IRF2BP2: variants seen among roughly 807,000 people sequenced by gnomAD.
IRF2BP2 encodes interferon regulatory factor 2-binding protein 2.
IRF2BP2 carries 13 observed loss-of-function variants against 32.7 expected under a neutral mutation model. The ratio of observed to expected loss-of-function variants is 0.40; its 90% confidence interval spans 0.26 to 0.63. IRF2BP2 has a LOEUF of 0.63. Among genes scored for constraint, IRF2BP2 ranks in the 30% least tolerant of loss-of-function variants. The pLI is 0.42. For missense variants in IRF2BP2, 980 were observed against 830.6 expected (o/e 1.18, Z -2.21); for synonymous variants, 555 against 384.6 (o/e 1.44, Z -5.18).
rs374605406 is a variant in IRF2BP2 at position 234,609,390 on chromosome 1, G to C, written c.105C>G (p.Pro35=). The C allele has an allele frequency of 6.4e-7, 1 of 1,563,074 alleles. No homozygotes were observed. Among genetic ancestry groups the C allele is most frequent in the Admixed American group, 1.8e-5 (1 of 54,826 alleles). The change falls in exon 1 of 2, where the codon CCC becomes CCG. Residue 35 remains proline, a synonymous_variant. Transcript: ENST00000366609. ...PWAMIWDFTE[P]VCRGCVNYEG... ...CGTAGTTGACGCAGCCGCGGCAGAC[G>C]GGTTCGGTGAAGTCCCAGATCATGG...
In IRF2BP2 at chr1:234,605,677, G is replaced by C. The variant is rs911749888; in HGVS notation, c.*1460C>G. On this transcript the variant is annotated 3_prime_UTR_variant, in exon 2 of 2. Coordinates refer to ENST00000366609, the MANE Select transcript of IRF2BP2 (RefSeq NM_182972.3). ...TTATAAGGCCAAGTTACAAACACCT[G>C]AACGTAAGGATTTAAAATAGTGTTC... is the stretch of plus-strand genomic sequence containing the variant. 6.6e-6 allele frequency: 1 copy of C among 152,172 alleles called. No individual in the cohort carries two copies. The highest frequency in any genetic ancestry group is 1.5e-5 in the Non-Finnish European group (1 of 68,026). The allele number at this position is 152,172 out of a possible 1,614,324, so 9.4% of individuals were successfully genotyped here.
chr1:234,609,348 G>T lies in IRF2BP2; in HGVS notation c.147C>A (p.Val49=). 6.5e-7 allele frequency: 1 copy of T among 1,538,602 alleles called. No individual in the cohort carries two copies. The change falls in exon 1 of 2, where the codon GTC becomes GTA. Residue 49 remains valine (V), a synonymous_variant. Transcript: ENST00000366609. ...GCCGCGCCGTCTCGATGACGAACTC[G>T]ACGCGGTCGGCGCCCTCGTAGTTGA... is the stretch of plus-strand genomic sequence containing the variant. ...GCVNYEGADR[V]EFVIETARQL...
At position 234,604,815 on chromosome 1, in the gene IRF2BP2, T is replaced by A. The variant is rs77935702; in HGVS notation, c.*2322A>T. On this transcript the variant is annotated 3_prime_UTR_variant, in exon 2 of 2. Transcript: ENST00000366609. ...AAAGATCAAACCCATGTCCCGATGT[T>A]AACTTTTTAACTTAAAAGAATGCCA... 3.9e-5 allele frequency: 6 copies of A among 152,206 alleles called. No individual in the cohort carries two copies. The highest frequency in any genetic ancestry group is 8.8e-5 in the Non-Finnish European group (6 of 68,022). 9.4% of individuals were successfully genotyped at this position (152,206 alleles called of 1,614,324 possible).
rs1672156981 is a variant in IRF2BP2 at position 234,606,254 on chromosome 1, A to G, written c.*883T>C. The stretch of plus-strand genomic sequence containing the variant: ...AAAATAAAGGACAACAGCAACAACA[A>G]ACAGACCTCTAGGGTGTTTAAAAAG... On this transcript the variant is annotated 3_prime_UTR_variant, in exon 2 of 2. Transcript: ENST00000366609. 2 of 152,350 alleles carry G rather than the reference A, an allele frequency of 1.3e-5. No individual in the cohort carries two copies. The highest frequency in any genetic ancestry group is 2.1e-4 in the South Asian group (1 of 4,830). 9.4% of individuals were successfully genotyped at this position (152,350 alleles called of 1,614,324 possible).
At position 234,605,086 on chromosome 1, in the gene IRF2BP2, G is replaced by T. The variant is rs1366792096; in HGVS notation, c.*2051C>A. Reference sequence around the variant, plus strand: ...ATTAATCTTTTTGGAAAGCATGTCTGTATTAAGATTGCAAAACATACAGAT... The same window carrying T: ...ATTAATCTTTTTGGAAAGCATGTCTTTATTAAGATTGCAAAACATACAGAT... On this transcript the variant is annotated 3_prime_UTR_variant, in exon 2 of 2. Coordinates refer to ENST00000366609, the MANE Select transcript of IRF2BP2 (RefSeq NM_182972.3). The T allele has an allele frequency of 6.6e-6, 1 of 152,218 alleles. No individual in the cohort carries two copies. The highest frequency in any genetic ancestry group is 1.9e-4 in the East Asian group (1 of 5,200). 9.4% of individuals were successfully genotyped at this position (152,218 alleles called of 1,614,324 possible).
chr1:234,607,566 G>A lies in IRF2BP2; in HGVS notation c.1335C>T (p.Asn445=). Residue 445 remains asparagine (N), a synonymous_variant, in exon 2 of 2, where the codon AAC becomes AAT. Coordinates refer to ENST00000366609, the MANE Select transcript of IRF2BP2 (RefSeq NM_182972.3). ...TCCTCCTGGTAGTGGAGTGAACCTG[G>A]TTGGCATCTTTTGAGGCATGACTGC... is the stretch of plus-strand genomic sequence containing the variant. ...AGGSHASKDA[N]QVHSTTRRNS... 1 of 1,614,214 alleles carries A rather than the reference G, an allele frequency of 6.2e-7. No individual in the cohort carries two copies. The highest frequency in any genetic ancestry group is 1.7e-5 in the Admixed American group (1 of 60,022).
In IRF2BP2 at chr1:234,610,175, C is replaced by G. The variant is rs1223256336; in HGVS notation, c.-681G>C. On this transcript the variant is annotated 5_prime_UTR_variant, in exon 1 of 2. Coordinates refer to ENST00000366609, the MANE Select transcript of IRF2BP2 (RefSeq NM_182972.3). ...TGCTGCCGCCGCGACCGCTCCACTT[C>G]TACAGACTTGATTCTTCGACAGTCT... Among the ~76,000 whole-genome samples the G allele has an allele frequency of 6.7e-6, 1 of 148,662 alleles. No homozygotes were observed. Among genetic ancestry groups the G allele is most frequent in the Non-Finnish European group, 1.5e-5 (1 of 66,626 alleles).
At chr1:234,607,937 A>G (rs1056536632) in intron 1 of IRF2BP2, 85 bp from the exon 2 acceptor site, 3 of 1,104,206 alleles carry the variant, frequency 2.7e-6, no homozygotes, top group African/African-American at 1.6e-5. Context: ...ACCCGAAACA[A>G]AAGTCGTTAC....
chr1:234,609,959 G>T lies in IRF2BP2; in HGVS notation c.-465C>A, dbSNP rs1389303879. ...GGGCAGGGGGCGGGGGGCGGCCGCC[G>T]GGGCAGGCTCAGCCCGAGCGGCGGG... On this transcript the variant is annotated 5_prime_UTR_variant, in exon 1 of 2. Transcript: ENST00000366609. Among the ~76,000 whole-genome samples, 1 of 142,950 alleles carries T rather than the reference G, an allele frequency of 7.0e-6. No homozygotes were observed. The highest frequency in any genetic ancestry group is 6.9e-5 in the Admixed American group (1 of 14,534). 93.8% of individuals were successfully genotyped at this position (142,950 alleles called of 152,430 possible).
At chr1:234,608,327 G>A (rs1370152346) in intron 1 of IRF2BP2, 120 bp downstream of exon 1, 2 of 824,008 alleles carry the variant, frequency 2.4e-6, no homozygotes, top group Admixed American at 3.3e-5. Context: ...AGGCAGATCA[G>A]GAAGTGGGGT....
rs1473723055 is a variant in IRF2BP2 at position 234,608,651 on chromosome 1, G to C, written c.844C>G (p.Leu282Val). The C allele has an allele frequency of 3.9e-6, 6 of 1,542,018 alleles. No homozygotes were observed. Among genetic ancestry groups the C allele is most frequent in the Non-Finnish European group, 4.3e-6 (5 of 1,152,608 alleles). Residue 282 changes from leucine to valine, a missense_variant, in exon 1 of 2, where the codon CTG (leucine) becomes GTG (valine). Coordinates refer to ENST00000366609, the MANE Select transcript of IRF2BP2 (RefSeq NM_182972.3). ...CTCTTGCCCGCACCTTCCGCGCTCA[G>C]CTCGGCGGCCCCGGCCGCGGTGGAC... ...SLSTAAGAAE[L>V]SAEGAGKSRG...
At position 234,609,018 on chromosome 1, in the gene IRF2BP2, G is replaced by A. The variant is rs775514022; in HGVS notation, c.477C>T (p.Pro159=). The A allele has an allele frequency of 1.1e-5, 15 of 1,330,508 alleles. No individual in the cohort carries two copies. Among genetic ancestry groups the A allele is most frequent in the South Asian group, 9.3e-5 (4 of 43,212 alleles). The allele number at this position is 1,330,508 out of a possible 1,614,324, so 82.4% of individuals were successfully genotyped here. ...GCTCCTCTAGCTTGGAGAAGCCGTT[G>A]GGCACCAGGATGCCGTTCACGGGCG... is the stretch of plus-strand genomic sequence containing the variant. ...QPPPVNGILV[P]NGFSKLEEPP... is the part of the protein sequence containing the mutation. Residue 159 remains proline, a synonymous_variant, in exon 1 of 2, where the codon CCC becomes CCT. Coordinates refer to ENST00000366609, the MANE Select transcript of IRF2BP2 (RefSeq NM_182972.3).
chr1:234,608,627 T>G lies in IRF2BP2; in HGVS notation c.868A>C (p.Ser290Arg). The change falls in exon 1 of 2, where the codon AGC becomes CGC. Residue 290 changes from serine (S) to arginine (R), a missense_variant. Ser to Arg is a moderately radical substitution (Grantham distance 110). Transcript: ENST00000366609. ...CAGTCCTGCTCTCCAGACCCGCGGC[T>G]CTTGCCCGCACCTTCCGCGCTCAGC... The part of the protein sequence containing the change: ...AELSAEGAGK[S>R]RGSGEQDWVN... 1 of 1,571,130 alleles carries G rather than the reference T, an allele frequency of 6.4e-7. No individual in the cohort carries two copies. Among genetic ancestry groups the G allele is most frequent in the Non-Finnish European group, 8.6e-7 (1 of 1,162,174 alleles).
At position 234,610,010 on chromosome 1, in the gene IRF2BP2, C is replaced by G. The variant is rs965645564; in HGVS notation, c.-516G>C. Among the ~76,000 whole-genome samples the G allele has an allele frequency of 4.8e-5, 7 of 144,858 alleles. No individual in the cohort carries two copies. The highest frequency in any genetic ancestry group is 4.1e-4 in the Admixed American group (6 of 14,662). ...GCATGCCGCGCCGGGGTGGCGGCGG[C>G]CGGGCGGCGTGGAGCTCGGGCGCGG... On this transcript the variant is annotated 5_prime_UTR_variant, in exon 1 of 2. Transcript: ENST00000366609.
Position 234,607,274 on chromosome 1 carries a change from C to T in IRF2BP2, c.1627G>A (p.Ala543Thr), listed in dbSNP as rs1156493717. 3 of 1,614,244 alleles carry T rather than the reference C, an allele frequency of 1.9e-6. No homozygotes were observed. The highest frequency in any genetic ancestry group is 1.7e-5 in the Admixed American group (1 of 60,032). ...CTGGGACAATAGACCTCTCCACTAG[C>T]TCCCTGCTGTTTGATGCTTTGTCTG... is the stretch of plus-strand genomic sequence containing the variant. ...CSRQSIKQQG[A>T]SGEVYCPSGE... Residue 543 changes from alanine (A) to threonine (T), a missense_variant, in exon 2 of 2, where the codon GCT becomes ACT. By Grantham distance (58) the Ala-to-Thr change is moderately conservative. Transcript: ENST00000366609.
Position 234,607,724 on chromosome 1 carries a change from G to A in IRF2BP2, c.1177C>T (p.Pro393Ser), listed in dbSNP as rs1672201599. 6.2e-7 allele frequency: 1 copy of A among 1,614,208 alleles called. No individual in the cohort carries two copies. The highest frequency in any genetic ancestry group is 8.5e-7 in the Non-Finnish European group (1 of 1,180,036). Residue 393 changes from proline (P) to serine (S), a missense_variant, in exon 2 of 2, where the codon CCT becomes TCT. Pro to Ser is a moderately conservative substitution (Grantham distance 74). Transcript: ENST00000366609. ...STEGLKIPMTPTSSFVSPPPP... is the reference protein window; with the variant it reads ...STEGLKIPMTSTSSFVSPPPP... ...GGCGGAGACACAAAAGAGGATGTAG[G>A]AGTCATGGGGATCTTGAGCCCCTCT...
In IRF2BP2 at chr1:234,607,242, T is replaced by C. The variant is rs1353111107; in HGVS notation, c.1659A>G (p.Glu553=). 6.2e-7 allele frequency: 1 copy of C among 1,614,232 alleles called. No individual in the cohort carries two copies. Among genetic ancestry groups the C allele is most frequent in the South Asian group, 1.1e-5 (1 of 91,086 alleles). Residue 553 remains glutamate (E), a synonymous_variant, in exon 2 of 2, where the codon GAA becomes GAG. Transcript: ENST00000366609. ...CATTGGAGCCCACAAGAGGGCATTT[T>C]TCCCCACTGGGACAATAGACCTCTC... is the stretch of plus-strand genomic sequence containing the variant. The part of the protein sequence containing the change: ...ASGEVYCPSG[E]KCPLVGSNVP...
At position 234,609,752 on chromosome 1, in the gene IRF2BP2, CGGCCCG is replaced by C. The variant is rs1003615796; in HGVS notation, c.-264_-259del. 1.4e-5 allele frequency among the ~76,000 whole-genome samples: 2 copies of C among 144,382 alleles called. No homozygotes were observed. The highest frequency in any genetic ancestry group is 2.5e-5 in the African/African-American group (1 of 40,332). 94.7% of individuals were successfully genotyped at this position (144,382 alleles called of 152,430 possible). On this transcript the variant is annotated 5_prime_UTR_variant, in exon 1 of 2. Coordinates refer to ENST00000366609, the MANE Select transcript of IRF2BP2 (RefSeq NM_182972.3). ...AGCCGCGGCAGCAGTTCCCCCCGGC[CGGCCCG>C]GGCACGGGCGGGCGGCGCGGCGCGG...
In IRF2BP2 at chr1:234,605,948, T is replaced by C. The variant is rs1464968396; in HGVS notation, c.*1189A>G. ...ATCATTTTTTTCCAGAACAGTATTA[T>C]TCACTTGGTATTTCAAACACATGTT... is the stretch of plus-strand genomic sequence containing the variant. On this transcript the variant is annotated 3_prime_UTR_variant, in exon 2 of 2. Transcript: ENST00000366609. 2 of 152,234 alleles carry C rather than the reference T, an allele frequency of 1.3e-5. No individual in the cohort carries two copies. The highest frequency in any genetic ancestry group is 4.8e-5 in the African/African-American group (2 of 41,456). The allele number at this position is 152,234 out of a possible 1,614,324, so 9.4% of individuals were successfully genotyped here.
Sources: gnomAD v4.1 joint callset for allele counts (sites outside exome capture counted in the v4.1 genomes callset) on GRCh38, gnomAD v4.1.1 for gene constraint, MANE v1.5 for transcripts, NCBI Gene and HGNC (gene_info 2026-07-23, HGNC 2026-07-21) for gene names.